The following ELL variants were observed in gnomAD, a reference collection of about 807,000 sequenced individuals.
ELL encodes the protein elongation factor for RNA polymerase II.
ELL carries 18 observed loss-of-function variants against 64.0 expected under a neutral mutation model. The observed-to-expected ratio is 0.28, with a 90% CI of 0.19 to 0.42. The LOEUF is 0.42. ELL is among the 10% of genes least tolerant of loss of function. The pLI is 1.00. For missense variants in ELL, 797 were observed against 870.4 expected (o/e 0.92, Z 1.06); for synonymous variants, 399 against 376.2 (o/e 1.06, Z -0.70).
chr19:18,521,786 C>A, intron 1 of ELL, 135 bp downstream of exon 1: 2 of 1,334,346 alleles, frequency 1.5e-6, no homozygotes, highest in South Asian at 1.6e-5. Flanking sequence ...CCACTCCGCG[C>A]CCCGCCGGCC....
intron 1 of ELL, among the ~76,000 whole-genome samples, chr19:18,474,530 A>T (rs1975136895): frequency 6.6e-6 from 1 of 152,212 alleles, no homozygotes; most frequent in Admixed American, 6.5e-5. Flanking sequence ...CCACCCCTCA[A>T]CAAATACATG....
At chr19:18,472,620 G>A (rs1257737385) in intron 2 of ELL, 1 of 556,728 alleles carries the variant, frequency 1.8e-6, no homozygotes, top group Non-Finnish European at 3.1e-6. Context: ...GAGGAGAGCC[G>A]CCCATTGCCC....
intron 1 of ELL, among the ~76,000 whole-genome samples, chr19:18,484,108 C>T (rs1261299483): frequency 2.6e-5 from 4 of 152,226 alleles, no homozygotes; most frequent in Non-Finnish European, 4.4e-5. Flanking sequence ...TCCCCTCTAG[C>T]GCACTCTGCA....
At chr19:18,458,864 C>T (rs895233846) in intron 5 of ELL, among the ~76,000 whole-genome samples, 3 of 152,046 alleles carry the variant, frequency 2.0e-5, no homozygotes, top group Non-Finnish European at 4.4e-5. Context: ...TGGGCTCAAG[C>T]GATCCTCTGA....
chr19:18,518,715 C>T lies in ELL; in HGVS notation c.135+3206G>A, dbSNP rs537121556. The stretch of plus-strand genomic sequence containing the variant: ...CTGAGGCAGGAGAATCACTTGAACC[C>T]GGGAGGCGGAGGTTGCAGTGAGCTG... On this transcript the variant is annotated intron_variant, in intron 1 of 11. Coordinates refer to ENST00000262809, the MANE Select transcript of ELL (RefSeq NM_006532.4). Among the ~76,000 whole-genome samples, 21 of 151,054 alleles carry T rather than the reference C, an allele frequency of 1.4e-4. 1 individual carries two copies. The highest frequency in any genetic ancestry group is 1.3e-3 in the Admixed American group (20 of 15,080).
intron 1 of ELL, among the ~76,000 whole-genome samples, chr19:18,486,961 C>A (rs1353333731): frequency 1.3e-5 from 2 of 152,206 alleles, no homozygotes; most frequent in Non-Finnish European, 2.9e-5. Context: ...TGCGCCTCTG[C>A]AGCCAACCAA....
intron 2 of ELL, among the ~76,000 whole-genome samples, chr19:18,470,242 T>C (rs1261895177): frequency 6.6e-6 from 1 of 152,246 alleles, no homozygotes; most frequent in Non-Finnish European, 1.5e-5. Context: ...TCAAGGCACA[T>C]GGCATGCTGC....
At chr19:18,465,764 G>A (rs752805874) in intron 3 of ELL, 33 bp downstream of exon 3, 10 of 1,425,044 alleles carry the variant, frequency 7.0e-6, no homozygotes, top group Admixed American at 5.4e-5. Context: ...CTCAAGAGCC[G>A]GCGGGGTGCT....
At chr19:18,500,412 TC>T (rs1975757360) in intron 1 of ELL, among the ~76,000 whole-genome samples, 1 of 152,058 alleles carries the variant, frequency 6.6e-6, no homozygotes, top group Non-Finnish European at 1.5e-5. Context: ...CTTCAAGAGG[TC>T]CACTTCTCCT....
intron 1 of ELL, among the ~76,000 whole-genome samples, chr19:18,521,232 GGAGA>G (rs558954218): frequency 1.3e-5 from 2 of 151,996 alleles, no homozygotes; most frequent in Non-Finnish European, 2.9e-5. Flanking sequence ...ACCTCTCTCC[GGAGA>G]GAGAGGGTCA....
chr19:18,465,423 C>A lies in ELL; in HGVS notation c.458G>T (p.Gly153Val). ...SRSAIVIKAGGRYLGKKVQFR... is the reference protein window; with the variant it reads ...SRSAIVIKAGVRYLGKKVQFR... Reference sequence around the variant, plus strand: ...AACCCACTGCTCACCCAGGTAGCGGCCTCCAGCCTTGATGACAATGGCACT... The same window carrying A: ...AACCCACTGCTCACCCAGGTAGCGGACTCCAGCCTTGATGACAATGGCACT... The change falls in exon 4 of 12, where the codon GGC (glycine) becomes GTC (valine). Residue 153 changes from glycine to valine, a missense_variant. Coordinates refer to ENST00000262809, the MANE Select transcript of ELL (RefSeq NM_006532.4). 3 of 1,601,146 alleles carry A rather than the reference C, an allele frequency of 1.9e-6. No individual in the cohort carries two copies. The highest frequency in any genetic ancestry group is 2.6e-6 in the Non-Finnish European group (3 of 1,170,816).
chr19:18,497,019 A>G (rs1975668933), intron 1 of ELL, among the ~76,000 whole-genome samples: 1 of 152,216 alleles, frequency 6.6e-6, no homozygotes, highest in African/African-American at 2.4e-5. Flanking sequence ...CTCACCATCC[A>G]ATGCAATAAT....
intron 1 of ELL, among the ~76,000 whole-genome samples, chr19:18,521,449 C>A (rs185397714): frequency 6.6e-6 from 1 of 152,076 alleles, no homozygotes; most frequent in Non-Finnish European, 1.5e-5. Flanking sequence ...CCCAGACGAT[C>A]GCTGCTTCCC....
intron 1 of ELL, among the ~76,000 whole-genome samples, chr19:18,482,308 CTTTT>C (rs530594631): frequency 1.7e-3 from 129 of 77,558 alleles, no homozygotes; most frequent in Non-Finnish European, 2.4e-3. Flanking sequence ...CTTTTCATTC[CTTTT>C]TTTTTTTTTT....
chr19:18,516,520 C>T (rs1307870446), intron 1 of ELL, among the ~76,000 whole-genome samples: 3 of 151,916 alleles, frequency 2.0e-5, no homozygotes, highest in Non-Finnish European at 4.4e-5. Flanking sequence ...AATGTCAGCT[C>T]GTGACATGAG....
intron 2 of ELL, among the ~76,000 whole-genome samples, chr19:18,470,477 G>T (rs918907597): frequency 1.3e-5 from 2 of 152,232 alleles, no homozygotes; most frequent in African/African-American, 4.8e-5. Flanking sequence ...GCCCGCCCCT[G>T]CCCCCAACCT....
intron 6 of ELL, among the ~76,000 whole-genome samples, chr19:18,457,842 CA>C (rs1273220552): frequency 2.0e-5 from 3 of 152,216 alleles, no homozygotes; most frequent in Non-Finnish European, 4.4e-5. Flanking sequence ...TTCAAAAAGT[CA>C]GTGAACTTCC....
rs1340754571 is a variant in ELL at position 18,446,488 on chromosome 19, A to G, written c.1533-8T>C. Reference sequence around the variant, plus strand: ...GAGATGGCTGCGTACTTCCTGAAACAGGAGAGAGGGGCCACTGAGTGGAGG... The same window carrying G: ...GAGATGGCTGCGTACTTCCTGAAACGGGAGAGAGGGGCCACTGAGTGGAGG... On this transcript the variant is annotated splice_region_variant and splice_polypyrimidine_tract_variant and intron_variant, in intron 9 of 11. Coordinates refer to ENST00000262809, the MANE Select transcript of ELL (RefSeq NM_006532.4). 3.1e-6 allele frequency: 5 copies of G among 1,609,962 alleles called. No homozygotes were observed. In the African/African-American group the frequency reaches 6.7e-5, roughly 21 times the overall value.
intron 1 of ELL, among the ~76,000 whole-genome samples, chr19:18,490,484 C>T (rs976396852): frequency 1.2e-4 from 18 of 152,234 alleles, no homozygotes; most frequent in Admixed American, 5.2e-4. Context: ...GGCAGTGGCA[C>T]ACTGCACTCA....
Sources: gnomAD v4.1 joint callset for allele counts (sites outside exome capture counted in the v4.1 genomes callset) on GRCh38, gnomAD v4.1.1 for gene constraint, MANE v1.5 for transcripts, NCBI Gene and HGNC (gene_info 2026-07-23, HGNC 2026-07-21) for gene names.